The following USP14 variants were observed in gnomAD, a reference collection of about 807,000 sequenced individuals.
USP14 encodes the protein ubiquitin carboxyl-terminal hydrolase 14.
USP14 carries 38 observed loss-of-function variants against 76.5 expected under a neutral mutation model. That is an observed-to-expected ratio of 0.50 (90% CI 0.38 to 0.65). The LOEUF (loss-of-function observed/expected upper bound fraction) is 0.65, where lower values mean the gene tolerates loss of function less well. USP14 is among the 30% of genes least tolerant of loss of function. The pLI is 0.00. For synonymous variants in USP14, 192 were observed against 191.7 expected (o/e 1.00, Z -0.01); for missense variants, 467 against 586.5 (o/e 0.80, Z 2.10).
At chr18:187,108 ATTGAACTACTG>A (rs1268422902) in intron 5 of USP14, among the ~76,000 whole-genome samples, 2 of 152,180 alleles carry the variant, frequency 1.3e-5, no homozygotes, top group African/African-American at 4.8e-5. Context: ...TACTGGTAAG[ATTGAACTACTG>A]TTTACTCGTG....
intron 4 of USP14, among the ~76,000 whole-genome samples, chr18:179,350 C>A (rs1430071496): frequency 1.3e-5 from 2 of 151,826 alleles, no homozygotes; most frequent in African/African-American, 4.8e-5. Context: ...ATGTTCCTGG[C>A]AGATAGTACT....
chr18:186,322 GGT>G (rs918889805), intron 5 of USP14, among the ~76,000 whole-genome samples: 4 of 152,116 alleles, frequency 2.6e-5, no homozygotes, highest in Non-Finnish European at 5.9e-5. Flanking sequence ...TGAGTGTGGT[GGT>G]GTGCACCTGT....
intron 14 of USP14, 71 bp downstream of exon 14, chr18:210,102 C>G: frequency 8.2e-7 from 1 of 1,220,948 alleles, no homozygotes; most frequent in Non-Finnish European, 1.2e-6. Context: ...ACATCTTACC[C>G]CATATTTACT....
At chr18:183,113 A>G (rs1042895387) in intron 5 of USP14, among the ~76,000 whole-genome samples, 3 of 152,142 alleles carry the variant, frequency 2.0e-5, no homozygotes, top group South Asian at 2.1e-4. Flanking sequence ...TCTTTTATAT[A>G]TATCCCAAAA....
chr18:178,861 G>C, intron 3 of USP14, 72 bp from the exon 4 acceptor site: 1 of 1,125,120 alleles, frequency 8.9e-7, no homozygotes, highest in Non-Finnish European at 1.3e-6. Flanking sequence ...TTTTGTTCCT[G>C]GCTTCTTTTG....
At chr18:194,562 C>T (rs185992329) in intron 6 of USP14, among the ~76,000 whole-genome samples, 3 of 152,220 alleles carry the variant, frequency 2.0e-5, no homozygotes, top group South Asian at 2.1e-4. Flanking sequence ...TAGAATAAGG[C>T]GCCAGACATC....
Position 204,651 on chromosome 18 carries a change from A to C in USP14, c.1123A>C (p.Lys375Gln). ...EKMVSFRSKFKDLEDKKVNQQ... is the reference protein window; with the variant it reads ...EKMVSFRSKFQDLEDKKVNQQ... ...AATGGTGTCTTTTCGATCCAAATTCAAGGATCTAGAAGATAAAAAAGTGAA... is the reference window on the plus strand; with the variant it reads ...AATGGTGTCTTTTCGATCCAAATTCCAGGATCTAGAAGATAAAAAAGTGAA... Residue 375 changes from lysine (K) to glutamine (Q), a missense_variant, in exon 13 of 16, where the codon AAG becomes CAG. Lys to Gln is a moderately conservative substitution (Grantham distance 53, BLOSUM62 1). Coordinates refer to ENST00000261601, the MANE Select transcript of USP14 (RefSeq NM_005151.4). 6.2e-7 allele frequency: 1 copy of C among 1,613,428 alleles called. No individual in the cohort carries two copies. Among genetic ancestry groups the C allele is most frequent in the Non-Finnish European group, 8.5e-7 (1 of 1,179,774 alleles).
intron 13 of USP14, among the ~76,000 whole-genome samples, chr18:209,742 T>A (rs1910620137): frequency 1.3e-5 from 2 of 152,204 alleles, no homozygotes; most frequent in Admixed American, 6.5e-5. Context: ...GTCATCACAT[T>A]CAGGGTGTCT....
intron 5 of USP14, among the ~76,000 whole-genome samples, chr18:185,936 A>G (rs1043568944): frequency 6.6e-6 from 1 of 151,082 alleles, no homozygotes; most frequent in Non-Finnish European, 1.5e-5. Flanking sequence ...TCCTGGCCTC[A>G]ATCAATCCTC....
chr18:211,194 G>A lies in USP14; in HGVS notation c.1395G>A (p.Arg465=). The change falls in exon 16 of 16, where the codon CGG becomes CGA. Residue 465 remains arginine (R), a synonymous_variant. Coordinates refer to ENST00000261601, the MANE Select transcript of USP14 (RefSeq NM_005151.4). ...TCGTAACACCAGAAGATATCTTACGGCTTTCTGGTGGTGGAGACTGGCATA... is the reference window on the plus strand; with the variant it reads ...TCGTAACACCAGAAGATATCTTACGACTTTCTGGTGGTGGAGACTGGCATA... ...VSIVTPEDIL[R]LSGGGDWHIA... is the part of the protein sequence containing the mutation. The A allele has an allele frequency of 6.2e-7, 1 of 1,613,994 alleles. No homozygotes were observed. The highest frequency in any genetic ancestry group is 8.5e-7 in the Non-Finnish European group (1 of 1,179,904).
At chr18:194,720 C>T (rs1352443090) in intron 6 of USP14, among the ~76,000 whole-genome samples, 1 of 152,102 alleles carries the variant, frequency 6.6e-6, no homozygotes, top group Admixed American at 6.5e-5. Flanking sequence ...CACTTAAGGC[C>T]AGGGGTTTGA....
intron 5 of USP14, among the ~76,000 whole-genome samples, chr18:181,235 T>A: frequency 6.6e-6 from 1 of 152,158 alleles, no homozygotes; most frequent in African/African-American, 2.4e-5. Flanking sequence ...GATGAACGTT[T>A]TCATATAGTA....
rs1910672142 is a variant in USP14 at position 211,637 on chromosome 18, T to TACTGCAC, written c.*356_*362dup. On this transcript the variant is annotated 3_prime_UTR_variant, in exon 16 of 16. Transcript: ENST00000261601. ...ACCCAAGATTCAGCAGTCAGATGTTTACTGCACACCTATTACCTATTATTT... is the reference window on the plus strand; with the variant it reads ...ACCCAAGATTCAGCAGTCAGATGTTTACTGCACACTGCACACCTATTACCTATTATTT... 5.6e-6 allele frequency: 1 copy of TACTGCAC among 177,152 alleles called. No individual in the cohort carries two copies. The highest frequency in any genetic ancestry group is 1.2e-5 in the Non-Finnish European group (1 of 84,210). 11.0% of individuals were successfully genotyped at this position (177,152 alleles called of 1,614,324 possible).
chr18:183,403 T>G (rs186725449), intron 5 of USP14, among the ~76,000 whole-genome samples: 2 of 152,194 alleles, frequency 1.3e-5, no homozygotes, highest in Non-Finnish European at 2.9e-5. Flanking sequence ...CAGTGAGCAC[T>G]TTTAGTCTGA....
chr18:163,571 A>C (rs1466821771), intron 2 of USP14, 118 bp downstream of exon 2: 1 of 1,168,670 alleles, frequency 8.6e-7, no homozygotes, highest in African/African-American at 1.6e-5. Flanking sequence ...ATATGATGAG[A>C]GTATGTCAGC....
chr18:210,142 CAG>C (rs761742652), intron 14 of USP14, 111 bp downstream of exon 14: 2 of 948,002 alleles, frequency 2.1e-6, no homozygotes, highest in Non-Finnish European at 3.1e-6. Context: ...AACAAAATGT[CAG>C]GTTTCTTGAA....
intron 5 of USP14, among the ~76,000 whole-genome samples, 172 bp from the exon 6 acceptor site, chr18:192,670 T>C (rs1389754333): frequency 2.0e-5 from 3 of 152,196 alleles, no homozygotes; most frequent in Non-Finnish European, 4.4e-5. Flanking sequence ...TTCCTTTTTT[T>C]CTCCATATTT....
intron 3 of USP14, among the ~76,000 whole-genome samples, chr18:174,209 A>G (rs890497217): frequency 6.6e-6 from 1 of 151,690 alleles, no homozygotes; most frequent in East Asian, 1.9e-4. Flanking sequence ...TAAATGTTCA[A>G]TGTTGGGACT....
intron 10 of USP14, among the ~76,000 whole-genome samples, chr18:199,624 A>G (rs910108441): frequency 5.3e-5 from 8 of 152,152 alleles, no homozygotes; most frequent in African/African-American, 1.2e-4. Context: ...AGTGCTGTCT[A>G]GTGTTTCTAG....
Sources: gnomAD v4.1 joint callset for allele counts (sites outside exome capture counted in the v4.1 genomes callset) on GRCh38, gnomAD v4.1.1 for gene constraint, MANE v1.5 for transcripts, NCBI Gene and HGNC (gene_info 2026-07-23, HGNC 2026-07-21) for gene names.